Variants in SCN2A observed in about 807,000 individuals in gnomAD.
The protein encoded by SCN2A is sodium channel protein type 2 subunit alpha.
SCN2A carries 20 observed loss-of-function variants against 188.7 expected under a neutral mutation model. That is an observed-to-expected ratio of 0.11 (90% CI 0.07 to 0.15). The LOEUF (loss-of-function observed/expected upper bound fraction) is 0.15, where lower values mean the gene tolerates loss of function less well. Ranked by LOEUF, SCN2A falls within the 10% of genes least tolerant of loss-of-function variation. The pLI is 1.00. For synonymous variants in SCN2A, 804 were observed against 833.1 expected (o/e 0.97, Z 0.60); for missense variants, 1,278 against 2,445.0 (o/e 0.52, Z 10.07).
At chr2:165,315,057 A>G (rs1484678083) in intron 10 of SCN2A, among the ~76,000 whole-genome samples, 1 of 152,212 alleles carries the variant, frequency 6.6e-6, no homozygotes, top group Non-Finnish European at 1.5e-5. Flanking sequence ...AATAATTCAG[A>G]CTAGCACTAA....
intron 1 of SCN2A, among the ~76,000 whole-genome samples, chr2:165,288,884 A>G (rs1228973280): frequency 1.3e-5 from 2 of 152,136 alleles, no homozygotes; most frequent in African/African-American, 4.8e-5. Context: ...AAGTATTCAA[A>G]TAATATTTAG....
intron 17 of SCN2A, among the ~76,000 whole-genome samples, chr2:165,357,402 G>C (rs1174913944): frequency 2.0e-5 from 3 of 151,938 alleles, no homozygotes; most frequent in Non-Finnish European, 4.4e-5. Context: ...TTTAATTAAA[G>C]AAAAAATGAG....
rs1701891020 is a variant in SCN2A at position 165,386,669 on chromosome 2, C to T, written c.4552-77C>T. 7 of 1,417,042 alleles carry T rather than the reference C, an allele frequency of 4.9e-6. No individual in the cohort carries two copies. In the Admixed American group the frequency reaches 8.0e-5, roughly 16 times the overall value. The allele number at this position is 1,417,042 out of a possible 1,614,324, so 87.8% of individuals were successfully genotyped here. A position where few individuals can be genotyped will look rare whatever the true frequency, so the allele number is the denominator to read the frequency against. On this transcript the variant is annotated intron_variant, in intron 25 of 26. Transcript: ENST00000375437. ...TTTATAAAAGCTACATTTTTTGTTG[C>T]TTTCTTAAAATCAGAAGAATTGAAT...
chr2:165,297,071 G>T lies in SCN2A; in HGVS notation c.322G>T (p.Ala108Ser). The T allele has an allele frequency of 6.2e-7, 1 of 1,612,006 alleles. No individual in the cohort carries two copies. Among genetic ancestry groups the T allele is most frequent in the South Asian group, 1.1e-5 (1 of 90,912 alleles). Reference protein sequence around the residue: ...KAISRFSATPALYILTPFNPI... With the variant: ...KAISRFSATPSLYILTPFNPI... The stretch of plus-strand genomic sequence containing the variant: ...AATCTCTCGATTCAGTGCCACCCCT[G>T]CCCTTTACATTTTAACTCCCTTCAA... Residue 108 changes from alanine to serine, a missense_variant, in exon 3 of 27, where the codon GCC becomes TCC. This residue lies in a region of SCN2A where 141 missense variants were observed against 185.4 expected (regional missense o/e 0.76). Coordinates refer to ENST00000375437, the MANE Select transcript of SCN2A (RefSeq NM_001040142.2).
chr2:165,387,652 T>A (rs555028484), intron 26 of SCN2A, among the ~76,000 whole-genome samples: 190 of 152,098 alleles, frequency 1.2e-3, no homozygotes, highest in South Asian at 3.3e-3. Context: ...TTGGAAAAAA[T>A]ATATATATAC....
chr2:165,318,826 G>A (rs1163289769), intron 11 of SCN2A, among the ~76,000 whole-genome samples: 2 of 152,096 alleles, frequency 1.3e-5, no homozygotes, highest in Non-Finnish European at 2.9e-5. Context: ...TCCCGTAACT[G>A]TTATTTCCTC....
intron 7 of SCN2A, among the ~76,000 whole-genome samples, chr2:165,311,300 C>T (rs563752723): frequency 2.0e-5 from 3 of 152,012 alleles, no homozygotes; most frequent in East Asian, 3.9e-4. Flanking sequence ...TATAAAAATA[C>T]GTATGTTTGC....
At chr2:165,361,358 T>C (rs1043948058) in intron 17 of SCN2A, among the ~76,000 whole-genome samples, 5 of 152,024 alleles carry the variant, frequency 3.3e-5, no homozygotes, top group Non-Finnish European at 5.9e-5. Flanking sequence ...ATAAGCACTA[T>C]CTTGAACCTA....
chr2:165,356,406 A>T lies in SCN2A; in HGVS notation c.3399+1735A>T, dbSNP rs141110627. Among the ~76,000 whole-genome samples, 6 of 152,284 alleles carry T rather than the reference A, an allele frequency of 3.9e-5. No homozygotes were observed. In the East Asian group the frequency reaches 1.2e-3, roughly 29 times the overall value. ...TAGTTGGGTTATGCTGGAAGGGTGG[A>T]GTGGCCCAATTTCATATACAGTGTA... On this transcript the variant is annotated intron_variant, in intron 17 of 26. Transcript: ENST00000375437.
chr2:165,303,214 A>C (rs979705686), intron 3 of SCN2A, among the ~76,000 whole-genome samples: 5 of 150,962 alleles, frequency 3.3e-5, no homozygotes, highest in Non-Finnish European at 5.9e-5. Context: ...TGGCATCACC[A>C]ATGCAAAATC....
In SCN2A at chr2:165,331,458, T is replaced by A. The variant is rs775759603; in HGVS notation, c.2278T>A (p.Phe760Ile). 2.5e-6 allele frequency: 4 copies of A among 1,613,726 alleles called. No individual in the cohort carries two copies. Among genetic ancestry groups the A allele is most frequent in the Non-Finnish European group, 3.4e-6 (4 of 1,179,778 alleles). Residue 760 changes from phenylalanine to isoleucine, a missense_variant, in exon 14 of 27, where the codon TTT (phenylalanine) becomes ATT (isoleucine). Phe to Ile is a conservative substitution (Grantham distance 21). Coordinates refer to ENST00000375437, the MANE Select transcript of SCN2A (RefSeq NM_001040142.2). ...HLVNLVVMDP[F>I]VDLAITICIV... The stretch of plus-strand genomic sequence containing the variant: ...TGTCAACCTGGTTGTAATGGACCCA[T>A]TTGTTGACCTGGCCATCACCATCTG...
At chr2:165,360,713 G>A (rs535491807) in intron 17 of SCN2A, among the ~76,000 whole-genome samples, 48 of 151,900 alleles carry the variant, frequency 3.2e-4, no homozygotes, top group Middle Eastern at 3.4e-3. Flanking sequence ...CAGTTAGTCC[G>A]CTAGTTTCCT....
intron 1 of SCN2A, among the ~76,000 whole-genome samples, chr2:165,279,481 T>G (rs967473099): frequency 1.3e-5 from 2 of 152,182 alleles, no homozygotes; most frequent in African/African-American, 4.8e-5. Flanking sequence ...ATAACATATT[T>G]GAACTTTTAC....
intron 14 of SCN2A, among the ~76,000 whole-genome samples, chr2:165,335,254 G>T (rs1279414038): frequency 6.6e-6 from 1 of 151,362 alleles, no homozygotes; most frequent in Non-Finnish European, 1.5e-5. Context: ...GTGATAAATT[G>T]ACTGTAAATT....
intron 13 of SCN2A, among the ~76,000 whole-genome samples, chr2:165,328,971 A>G (rs1293475657): frequency 6.8e-6 from 1 of 147,186 alleles, no homozygotes; most frequent in African/African-American, 2.5e-5. Flanking sequence ...ATACTCAAGC[A>G]GACTTAAGAT....
chr2:165,265,820 T>TCTTC (rs1255249917), intron 1 of SCN2A, among the ~76,000 whole-genome samples: 3 of 151,488 alleles, frequency 2.0e-5, no homozygotes, highest in Non-Finnish European at 2.9e-5. Context: ...TTTCTTTCTT[T>TCTTC]CTTCTTTTTT....
intron 1 of SCN2A, chr2:165,293,713 A>G (rs1696336219): frequency 2.3e-6 from 1 of 428,352 alleles, no homozygotes; most frequent in African/African-American, 2.1e-5. Context: ...CATAGCAAAT[A>G]AAAAGCATGA....
intron 1 of SCN2A, among the ~76,000 whole-genome samples, chr2:165,291,495 C>CTTTCTTTCTTTCTTTCTTTCT (rs1696166701): frequency 3.4e-4 from 15 of 44,306 alleles, no homozygotes; most frequent in Admixed American, 1.8e-3. Flanking sequence ...TCTTTCTTTT[C>CTTTCTTTCTTTCTTTCTTTCT]TTTCTTTCTT....
At chr2:165,247,675 C>G (rs1403684456) in intron 1 of SCN2A, among the ~76,000 whole-genome samples, 1 of 152,078 alleles carries the variant, frequency 6.6e-6, no homozygotes, top group Non-Finnish European at 1.5e-5. Context: ...TGATTCTGTC[C>G]CTGATTTTCT....
Sources: gnomAD v4.1 joint callset for allele counts (sites outside exome capture counted in the v4.1 genomes callset) on GRCh38, gnomAD v4.1.1 for gene constraint, gnomAD v4.1.1 regional missense constraint, MANE v1.5 for transcripts, NCBI Gene and HGNC (gene_info 2026-07-23, HGNC 2026-07-21) for gene names.